NAALADL2: variants seen among roughly 807,000 people sequenced by gnomAD.
NAALADL2 encodes inactive N-acetylated-alpha-linked acidic dipeptidase-like protein 2.
Under a neutral mutation model 87.2 loss-of-function variants are expected in NAALADL2, and 76 were observed. The observed-to-expected ratio is 0.87, with a 90% CI of 0.72 to 1.05. NAALADL2 has a LOEUF of 1.05. Ranked by LOEUF, NAALADL2 falls within the 50% of genes least tolerant of loss-of-function variation. The pLI, the probability that NAALADL2 is intolerant of heterozygous loss-of-function variation, is 0.00. For synonymous variants in NAALADL2, 354 were observed against 331.0 expected (o/e 1.07, Z -0.75); for missense variants, 1,089 against 945.8 (o/e 1.15, Z -1.99).
intron 2 of NAALADL2, among the ~76,000 whole-genome samples, chr3:174,707,924 G>A (rs568840913): frequency 6.6e-6 from 1 of 151,934 alleles, no homozygotes; most frequent in African/African-American, 2.4e-5. Flanking sequence ...TGTATTTATA[G>A]ACATAAATAG....
chr3:174,784,642 G>C (rs935655648), intron 3 of NAALADL2, among the ~76,000 whole-genome samples: 15 of 152,186 alleles, frequency 9.9e-5, no homozygotes, highest in Non-Finnish European at 2.1e-4. Flanking sequence ...GTAAATACTG[G>C]AGGGTTCAAT....
chr3:174,623,714 T>C (rs1721270134), intron 2 of NAALADL2, among the ~76,000 whole-genome samples: 1 of 152,120 alleles, frequency 6.6e-6, no homozygotes, highest in Non-Finnish European at 1.5e-5. Context: ...GGGTCAACTA[T>C]GTTGTCTCTT....
chr3:174,481,075 G>T (rs1717516691), intron 1 of NAALADL2, among the ~76,000 whole-genome samples: 1 of 152,076 alleles, frequency 6.6e-6, no homozygotes, highest in African/African-American at 2.4e-5. Context: ...CTTGTTTGGA[G>T]ATTGACTTAT....
intron 1 of NAALADL2, among the ~76,000 whole-genome samples, chr3:175,031,805 C>T (rs1752828485): frequency 6.6e-6 from 1 of 151,938 alleles, no homozygotes; most frequent in African/African-American, 2.4e-5. Context: ...TTAATAATAA[C>T]CATTCTGACT....
chr3:175,162,721 A>G (rs1733412078), intron 2 of NAALADL2, among the ~76,000 whole-genome samples: 3 of 152,130 alleles, frequency 2.0e-5, no homozygotes, highest in Admixed American at 1.3e-4. Context: ...TTCAAAGGAA[A>G]TTTTGTCAAA....
At position 175,565,823 on chromosome 3, in the gene NAALADL2, C is replaced by T. The variant is rs965483064; in HGVS notation, c.1654-10218C>T. ...TATGTCCAAACAAAAAACAAAAGCC[C>T]CCCCCCTTTTTTTTTTTTTTTTTTG... On this transcript the variant is annotated intron_variant, in intron 9 of 13. Coordinates refer to ENST00000454872, the MANE Select transcript of NAALADL2 (RefSeq NM_207015.3). Among the ~76,000 whole-genome samples the T allele has an allele frequency of 8.1e-3, 1,084 of 133,948 alleles. 66 individuals carry two copies. Among genetic ancestry groups the T allele is most frequent in the East Asian group, 0.067 (268 of 4,020 alleles). 87.9% of individuals were successfully genotyped at this position (133,948 alleles called of 152,430 possible).
At chr3:175,564,762 A>ATCCAGGTGTCTGGTTTT (rs1170464490) in intron 9 of NAALADL2, among the ~76,000 whole-genome samples, 10 of 152,208 alleles carry the variant, frequency 6.6e-5, no homozygotes, top group African/African-American at 2.4e-4. Flanking sequence ...TGTCTGGTTT[A>ATCCAGGTGTCTGGTTTT]TCCAGTGTCT....
At chr3:175,077,950 G>A (rs893017719) in intron 1 of NAALADL2, among the ~76,000 whole-genome samples, 1 of 151,854 alleles carries the variant, frequency 6.6e-6, no homozygotes, top group Non-Finnish European at 1.5e-5. Context: ...TTTTGCTCTA[G>A]CCTATATGGA....
In NAALADL2 at chr3:175,071,257, A is replaced by T. The variant is rs564293776; in HGVS notation, c.44-25533A>T. ...TGTTTTGGTGTAAAGAATGTTTTTCAGCTCTGTTTTTATTTCTGACTATGC... is the reference window on the plus strand; with the variant it reads ...TGTTTTGGTGTAAAGAATGTTTTTCTGCTCTGTTTTTATTTCTGACTATGC... On this transcript the variant is annotated intron_variant, in intron 1 of 13. Coordinates refer to ENST00000454872, the MANE Select transcript of NAALADL2 (RefSeq NM_207015.3). Among the ~76,000 whole-genome samples, 5 of 152,218 alleles carry T rather than the reference A, an allele frequency of 3.3e-5. No homozygotes were observed. The South Asian group carries it at 1.0e-3, about 32-fold the overall frequency.
chr3:174,993,048 G>A (rs1274022652), intron 1 of NAALADL2, among the ~76,000 whole-genome samples: 1 of 152,058 alleles, frequency 6.6e-6, no homozygotes, highest in African/African-American at 2.4e-5. Context: ...ATATGGAGGA[G>A]CTTCACAAAA....
At chr3:174,720,992 T>C (rs1326817846) in intron 2 of NAALADL2, among the ~76,000 whole-genome samples, 1 of 152,208 alleles carries the variant, frequency 6.6e-6, no homozygotes, top group African/African-American at 2.4e-5. Flanking sequence ...CAGCAGACTG[T>C]TGTTGAATTT....
At chr3:175,170,462 T>A (rs1421286473) in intron 2 of NAALADL2, among the ~76,000 whole-genome samples, 1 of 146,692 alleles carries the variant, frequency 6.8e-6, no homozygotes, top group Admixed American at 6.9e-5. Context: ...ATAAATATAA[T>A]ATATATAAAT....
chr3:175,709,875 C>G (rs1740286479), intron 11 of NAALADL2, among the ~76,000 whole-genome samples: 1 of 151,972 alleles, frequency 6.6e-6, no homozygotes, highest in Non-Finnish European at 1.5e-5. Context: ...GTGATCTTGA[C>G]AAAAATGATG....
At position 174,792,112 on chromosome 3, in the gene NAALADL2, T is replaced by A. The variant is rs1182795729; in HGVS notation, c.-9+54366T>A. On this transcript the variant is annotated intron_variant, in intron 3 of 3. Coordinates refer to the NAALADL2 transcript ENST00000434257. ...GGCACACGCCTATAGTCCCAGCTAC[T>A]CAGGAAGCTGAGGTGGGAGAATGGT... Among the ~76,000 whole-genome samples the A allele has an allele frequency of 2.0e-5, 3 of 152,026 alleles. No individual in the cohort carries two copies. In the East Asian group the frequency reaches 5.8e-4, roughly 29 times the overall value.
At chr3:174,447,020 A>G (rs1248294013) in intron 1 of NAALADL2, among the ~76,000 whole-genome samples, 1 of 152,224 alleles carries the variant, frequency 6.6e-6, no homozygotes, top group Non-Finnish European at 1.5e-5. Context: ...TCTTCAAGTA[A>G]AATGGCTACT....
intron 10 of NAALADL2, among the ~76,000 whole-genome samples, chr3:175,596,192 G>A (rs1010556927): frequency 1.3e-5 from 2 of 151,772 alleles, no homozygotes; most frequent in Non-Finnish European, 2.9e-5. Flanking sequence ...TGAGTTCATT[G>A]GTCTGCATGA....
At chr3:174,541,595 T>G (rs1722231771) in intron 1 of NAALADL2, among the ~76,000 whole-genome samples, 1 of 152,216 alleles carries the variant, frequency 6.6e-6, no homozygotes, top group South Asian at 2.1e-4. Context: ...ATGAAACATT[T>G]TTTTAAAAGC....
At chr3:175,248,833 G>A (rs1748487332) in intron 3 of NAALADL2, among the ~76,000 whole-genome samples, 1 of 152,024 alleles carries the variant, frequency 6.6e-6, no homozygotes, top group Admixed American at 6.6e-5. Flanking sequence ...AATCATAGTT[G>A]CAAACAAAAA....
intron 11 of NAALADL2, among the ~76,000 whole-genome samples, chr3:175,732,067 A>C (rs1227241584): frequency 6.6e-6 from 1 of 152,162 alleles, no homozygotes; most frequent in East Asian, 1.9e-4. Context: ...AATTTATGTC[A>C]ATCTATTGCA....
Sources: gnomAD v4.1 joint callset for allele counts (sites outside exome capture counted in the v4.1 genomes callset) on GRCh38, gnomAD v4.1.1 for gene constraint, MANE v1.5 for transcripts, NCBI Gene and HGNC (gene_info 2026-07-23, HGNC 2026-07-21) for gene names.